Variants in RABGAP1 observed in about 807,000 individuals in gnomAD.
RABGAP1 encodes rab GTPase-activating protein 1.
In RABGAP1, 23 loss-of-function variants were observed where a neutral mutation model predicts 137.6. That is an observed-to-expected ratio of 0.17 (90% CI 0.12 to 0.24). The LOEUF is 0.24. RABGAP1 is among the 10% of genes least tolerant of loss of function. The pLI, the probability that RABGAP1 is intolerant of heterozygous loss-of-function variation, is 1.00. For synonymous variants in RABGAP1, 451 were observed against 450.7 expected, an observed-to-expected ratio of 1.00 and a Z score of -0.01; for missense variants, 906 against 1,275.8, an observed-to-expected ratio of 0.71 and a Z score of 4.42.
intron 13 of RABGAP1, chr9:123,035,082 A>G (rs1445525442): frequency 6.8e-6 from 11 of 1,614,028 alleles, no homozygotes; most frequent in Non-Finnish European, 9.3e-6. Context: ...GCAAACCTGG[A>G]TATCATGGAG....
Position 122,980,438 on chromosome 9 carries a change from C to G in RABGAP1, c.151-4047C>G, listed in dbSNP as rs191331457. ...CTTACTGACATTTTGTTCTGTGTCACTTCATTGTAATAGTACATCCACCAT... is the reference window on the plus strand; with the variant it reads ...CTTACTGACATTTTGTTCTGTGTCAGTTCATTGTAATAGTACATCCACCAT... On this transcript the variant is annotated intron_variant, in intron 2 of 25. Coordinates refer to ENST00000373647, the MANE Select transcript of RABGAP1 (RefSeq NM_012197.4). Among the ~76,000 whole-genome samples the G allele has an allele frequency of 1.3e-3, 193 of 152,280 alleles. No individual in the cohort carries two copies. In the Middle Eastern group the frequency reaches 0.014, roughly 11 times the overall value.
chr9:122,957,502 C>A (rs80007694), intron 2 of RABGAP1, among the ~76,000 whole-genome samples: 1 of 151,988 alleles, frequency 6.6e-6, no homozygotes, highest in East Asian at 1.9e-4. Context: ...ATTACAAGTA[C>A]TTGTTTTGTT....
At chr9:123,045,279 A>T (rs1319097221) in intron 13 of RABGAP1, among the ~76,000 whole-genome samples, 1 of 152,262 alleles carries the variant, frequency 6.6e-6, no homozygotes, top group Non-Finnish European at 1.5e-5. Flanking sequence ...GGAAACCTCA[A>T]CTGCCAAAGC....
intron 13 of RABGAP1, among the ~76,000 whole-genome samples, chr9:123,042,684 A>T (rs982479073): frequency 7.9e-5 from 12 of 152,204 alleles, no homozygotes; most frequent in Non-Finnish European, 1.3e-4. Flanking sequence ...AAAGCAAAAC[A>T]GTCGGAGGTT....
chr9:123,088,845 A>G (rs1200102370), intron 19 of RABGAP1, among the ~76,000 whole-genome samples: 2 of 152,238 alleles, frequency 1.3e-5, no homozygotes, highest in Non-Finnish European at 2.9e-5. Flanking sequence ...AGAAGAAAGC[A>G]GAGAAGATTG....
chr9:123,010,363 AG>A lies in RABGAP1; in HGVS notation c.1387del (p.Glu463ArgfsTer43). 1 of 1,609,296 alleles carries A rather than the reference AG, an allele frequency of 6.2e-7. No individual in the cohort carries two copies. The highest frequency in any genetic ancestry group is 8.5e-7 in the Non-Finnish European group (1 of 1,176,724). ...TTTTTTCATCTTCAAGATAAAGCAAAGGGAGAGAAAGAATAATACTGACACT... is the reference window on the plus strand; with the variant it reads ...TTTTTTCATCTTCAAGATAAAGCAAAGGAGAGAAAGAATAATACTGACACT... ...FFLKLKQIKQ[R>X]ERKNNTDTLY... On this transcript the variant is annotated frameshift_variant, in exon 11 of 26. Transcript: ENST00000373647. LOFTEE classifies it high-confidence loss of function.
At chr9:123,017,362 C>T (rs942731507) in intron 12 of RABGAP1, among the ~76,000 whole-genome samples, 8 of 152,136 alleles carry the variant, frequency 5.3e-5, no homozygotes, top group African/African-American at 1.9e-4. Flanking sequence ...TCTTCCTATT[C>T]CCTCAAATGT....
intron 2 of RABGAP1, among the ~76,000 whole-genome samples, chr9:122,973,058 T>G (rs549674257): frequency 6.6e-6 from 1 of 151,966 alleles, no homozygotes; most frequent in South Asian, 2.1e-4. Flanking sequence ...CGTAATAAAA[T>G]GTTTTGACAA....
chr9:122,956,319 G>T (rs1007558207), intron 1 of RABGAP1, among the ~76,000 whole-genome samples: 2 of 152,264 alleles, frequency 1.3e-5, no homozygotes, highest in Admixed American at 1.3e-4. Flanking sequence ...TTAAATTTAA[G>T]TATCAATAAT....
chr9:123,065,508 C>A, intron 14 of RABGAP1, 47 bp downstream of exon 14: 2 of 1,318,206 alleles, frequency 1.5e-6, no homozygotes, highest in South Asian at 1.2e-5. Context: ...AGTGGTGGTT[C>A]TACTTTGAAA....
intron 1 of RABGAP1, among the ~76,000 whole-genome samples, chr9:122,942,167 A>G: frequency 6.6e-6 from 1 of 150,670 alleles, no homozygotes; most frequent in Non-Finnish European, 1.5e-5. Flanking sequence ...GAAACAAAAA[A>G]CAAAACAAAA....
chr9:123,019,441 G>T (rs1239734359), intron 12 of RABGAP1, among the ~76,000 whole-genome samples: 1 of 150,318 alleles, frequency 6.7e-6, no homozygotes, highest in Non-Finnish European at 1.5e-5. Context: ...TCTTGCCTCA[G>T]CCTCCCAAGT....
intron 2 of RABGAP1, among the ~76,000 whole-genome samples, chr9:122,978,304 A>G (rs981715753): frequency 1.3e-4 from 20 of 152,196 alleles, no homozygotes; most frequent in African/African-American, 4.3e-4. Context: ...TCTTTTACAT[A>G]GAATAATGCT....
At chr9:123,018,913 T>C (rs1346547907) in intron 12 of RABGAP1, among the ~76,000 whole-genome samples, 3 of 152,226 alleles carry the variant, frequency 2.0e-5, no homozygotes, top group Admixed American at 6.5e-5. Context: ...ATGGTGGCTC[T>C]CAAGTCACAA....
chr9:122,986,194 C>G (rs1836360500), intron 3 of RABGAP1, 21 bp from the exon 4 acceptor site: 1 of 1,600,984 alleles, frequency 6.2e-7, no homozygotes, highest in South Asian at 1.1e-5. Flanking sequence ...TAATCACTTC[C>G]TTATTCATTG....
intron 15 of RABGAP1, 33 bp from the exon 16 acceptor site, chr9:123,073,519 C>T: frequency 6.3e-7 from 1 of 1,591,094 alleles, no homozygotes; most frequent in Non-Finnish European, 8.5e-7. Flanking sequence ...CACCGCCATC[C>T]TCCCTACCCA....
At chr9:122,996,220 A>G in intron 7 of RABGAP1, 69 bp downstream of exon 7, 1 of 1,518,516 alleles carries the variant, frequency 6.6e-7, no homozygotes, top group Non-Finnish European at 8.8e-7. Context: ...GCATAGTTTT[A>G]CACTGTATTA....
chr9:123,089,599 TA>T (rs1331218500), intron 19 of RABGAP1, 158 bp from the exon 20 acceptor site: 14 of 598,902 alleles, frequency 2.3e-5, no homozygotes, highest in East Asian at 5.5e-5. Context: ...CCTGGGCTTA[TA>T]CCCTACTCTG....
At chr9:123,025,921 A>C (rs1327491360) in intron 13 of RABGAP1, among the ~76,000 whole-genome samples, 2 of 151,808 alleles carry the variant, frequency 1.3e-5, no homozygotes, top group South Asian at 4.2e-4. Context: ...ATGTTAAATG[A>C]TGATGGTGAT....
Sources: gnomAD v4.1 joint callset for allele counts (sites outside exome capture counted in the v4.1 genomes callset) on GRCh38, gnomAD v4.1.1 for gene constraint, MANE v1.5 for transcripts, NCBI Gene and HGNC (gene_info 2026-07-23, HGNC 2026-07-21) for gene names.